UGGT2: variants seen among roughly 807,000 people sequenced by gnomAD.
The protein encoded by UGGT2 is UDP-glucose:glycoprotein glucosyltransferase 2.
In UGGT2, 180 loss-of-function variants were observed where a neutral mutation model predicts 192.1. The observed-to-expected ratio is 0.94, with a 90% CI of 0.83 to 1.06. UGGT2 has a LOEUF of 1.06. Ranked by LOEUF, UGGT2 falls within the 50% of genes least tolerant of loss-of-function variation. The pLI is 0.00. For synonymous variants in UGGT2, 580 were observed against 591.0 expected, an observed-to-expected ratio of 0.98 and a Z score of 0.27; for missense variants, 1,849 against 1,795.7, an observed-to-expected ratio of 1.03 and a Z score of -0.54.
intron 36 of UGGT2, among the ~76,000 whole-genome samples, chr13:95,846,296 G>C (rs953672162): frequency 6.6e-6 from 1 of 152,096 alleles, no homozygotes; most frequent in East Asian, 1.9e-4. Context: ...GTGGCAGCGC[G>C]CGCCTGCAAT....
intron 15 of UGGT2, among the ~76,000 whole-genome samples, chr13:95,940,345 T>C (rs2049627120): frequency 6.6e-6 from 1 of 151,952 alleles, no homozygotes; most frequent in South Asian, 2.1e-4. Context: ...GACACCATTA[T>C]TCTTAATAAA....
At chr13:95,841,556 C>T (rs1887866716) in intron 36 of UGGT2, among the ~76,000 whole-genome samples, 1 of 152,170 alleles carries the variant, frequency 6.6e-6, no homozygotes, top group South Asian at 2.1e-4. Flanking sequence ...GCCAGATTGC[C>T]CTCACATCCT....
chr13:96,043,938 T>A (rs1028561284), intron 1 of UGGT2, among the ~76,000 whole-genome samples: 1 of 152,128 alleles, frequency 6.6e-6, no homozygotes, highest in Admixed American at 6.5e-5. Context: ...ACTGCACTGA[T>A]AGCACTAGAC....
chr13:96,029,914 G>A (rs1056127761), intron 2 of UGGT2, among the ~76,000 whole-genome samples: 8 of 152,154 alleles, frequency 5.3e-5, no homozygotes, highest in Non-Finnish European at 8.8e-5. Context: ...TGAGAGACAC[G>A]AAATTTGGTG....
intron 20 of UGGT2, among the ~76,000 whole-genome samples, chr13:95,921,230 A>C (rs2048834690): frequency 6.6e-6 from 1 of 152,058 alleles, no homozygotes; most frequent in South Asian, 2.1e-4. Flanking sequence ...ATCAGGAAGA[A>C]TAGCTAAGGG....
intron 38 of UGGT2, among the ~76,000 whole-genome samples, chr13:95,808,067 A>C (rs947214793): frequency 6.6e-6 from 1 of 152,024 alleles, no homozygotes; most frequent in African/African-American, 2.4e-5. Context: ...CCAGTGTTGA[A>C]CTCATGGAGT....
At chr13:96,016,117 T>G (rs777116556) in intron 4 of UGGT2, among the ~76,000 whole-genome samples, 33 of 152,330 alleles carry the variant, frequency 2.2e-4, no homozygotes, top group Non-Finnish European at 3.2e-4. Context: ...GCCTGGCTGC[T>G]TCTAACAACA....
chr13:96,015,094 T>C (rs937864015), intron 4 of UGGT2, among the ~76,000 whole-genome samples: 2 of 151,860 alleles, frequency 1.3e-5, no homozygotes, highest in Non-Finnish European at 2.9e-5. Flanking sequence ...CTGGCTAACA[T>C]GGTGAAACCC....
chr13:95,832,395 A>G (rs895796738), intron 38 of UGGT2, among the ~76,000 whole-genome samples: 1 of 152,182 alleles, frequency 6.6e-6, no homozygotes, highest in Non-Finnish European at 1.5e-5. Flanking sequence ...GGGCAATGAA[A>G]TGCCAAGGTA....
chr13:95,905,140 G>T (rs960325306), intron 20 of UGGT2, among the ~76,000 whole-genome samples: 17 of 152,140 alleles, frequency 1.1e-4, no homozygotes, highest in Non-Finnish European at 2.2e-4. Flanking sequence ...TTGTGATGGG[G>T]TTGTTTGTTT....
intron 1 of UGGT2, among the ~76,000 whole-genome samples, chr13:96,046,759 C>A (rs559053194): frequency 6.6e-6 from 1 of 152,316 alleles, no homozygotes; most frequent in African/African-American, 2.4e-5. Flanking sequence ...AAAATCGGGT[C>A]ACTCCTACCC....
At chr13:95,839,303 T>C (rs986703559) in intron 36 of UGGT2, among the ~76,000 whole-genome samples, 2 of 152,166 alleles carry the variant, frequency 1.3e-5, no homozygotes, top group African/African-American at 2.4e-5. Flanking sequence ...TGTCCTCATA[T>C]CCTTCCCTAA....
intron 20 of UGGT2, among the ~76,000 whole-genome samples, chr13:95,912,032 A>G (rs1270125496): frequency 6.6e-6 from 1 of 151,740 alleles, no homozygotes; most frequent in Non-Finnish European, 1.5e-5. Flanking sequence ...AACAAAATTC[A>G]ACAGCCCTTC....
chr13:95,947,187 T>A lies in UGGT2; in HGVS notation c.1542-15A>T. 1 of 1,583,782 alleles carries A rather than the reference T, an allele frequency of 6.3e-7. No homozygotes were observed. The highest frequency in any genetic ancestry group is 8.6e-7 in the Non-Finnish European group (1 of 1,167,846). ...CAAAACCAATTCTGGAAAAAGAAGA[T>A]GAACAAGGACTGTTATAATTACCTC... On this transcript the variant is annotated splice_polypyrimidine_tract_variant and intron_variant, in intron 14 of 38. Coordinates refer to ENST00000376747, the MANE Select transcript of UGGT2 (RefSeq NM_020121.4).
intron 33 of UGGT2, chr13:95,856,805 C>A (rs949561662): frequency 4.3e-6 from 1 of 230,338 alleles, no homozygotes; most frequent in Non-Finnish European, 8.7e-6. Context: ...AGATTCTATA[C>A]AGGAGCTTCA....
chr13:95,925,033 C>T (rs1537031), intron 20 of UGGT2, among the ~76,000 whole-genome samples: 54,383 of 151,968 alleles, frequency 0.36, 10,142 homozygotes, highest in Middle Eastern at 0.41. Flanking sequence ...ATTTGTTATA[C>T]AGCAATAAAT....
intron 17 of UGGT2, among the ~76,000 whole-genome samples, chr13:95,931,855 C>T (rs373006299): frequency 1.1e-4 from 16 of 151,652 alleles, no homozygotes; most frequent in African/African-American, 2.4e-4. Flanking sequence ...GAGCCGGCTC[C>T]GGCCTCGGAC....
At chr13:95,870,830 T>A (rs1295223518) in intron 29 of UGGT2, among the ~76,000 whole-genome samples, 1 of 152,188 alleles carries the variant, frequency 6.6e-6, no homozygotes, top group African/African-American at 2.4e-5. Context: ...GGACCCTTAA[T>A]AGGTGATTAT....
At position 95,863,866 on chromosome 13, in the gene UGGT2, T is replaced by G. The variant is rs151068244; in HGVS notation, c.3559-152A>C. ...GACAGGCAATATCTTAGCACAATGT[T>G]GTAAACAATCTGGTCTTTAACTATC... On this transcript the variant is annotated intron_variant, in intron 30 of 38. Transcript: ENST00000376747. 571 of 648,538 alleles carry G rather than the reference T, an allele frequency of 8.8e-4. 1 individual carries two copies. The African/African-American group carries it at 9.6e-3, about 11-fold the overall frequency. 40.2% of individuals were successfully genotyped at this position (648,538 alleles called of 1,614,324 possible). A position where few individuals can be genotyped will look rare whatever the true frequency, so the allele number is the denominator to read the frequency against.
Sources: gnomAD v4.1 joint callset for allele counts (sites outside exome capture counted in the v4.1 genomes callset) on GRCh38, gnomAD v4.1.1 for gene constraint, MANE v1.5 for transcripts, NCBI Gene and HGNC (gene_info 2026-07-23, HGNC 2026-07-21) for gene names.